The following CCDC141 variants were observed in gnomAD, a reference collection of about 807,000 sequenced individuals.
CCDC141 encodes coiled-coil domain-containing protein 141.
A neutral mutation model predicts 181.0 loss-of-function variants in CCDC141; 168 were observed. That is an observed-to-expected ratio of 0.93 (90% CI 0.82 to 1.05). The LOEUF is 1.05. CCDC141 is among the 50% of genes least tolerant of loss of function. The pLI, the probability that CCDC141 is intolerant of heterozygous loss-of-function variation, is 0.00. For missense variants in CCDC141, 1,902 were observed against 1,788.5 expected, an observed-to-expected ratio of 1.06 and a Z score of -1.14; for synonymous variants, 666 against 642.3, an observed-to-expected ratio of 1.04 and a Z score of -0.56.
At chr2:179,049,338 C>T (rs1162052470) in intron 1 of CCDC141, among the ~76,000 whole-genome samples, 1 of 152,130 alleles carries the variant, frequency 6.6e-6, no homozygotes, top group Admixed American at 6.6e-5. Flanking sequence ...TGGCAAAGGG[C>T]ACATGTCGGA....
chr2:178,825,379 T>C (rs1300169377), downstream of CCDC141: 2 of 152,136 alleles, frequency 1.3e-5, no homozygotes, highest in African/African-American at 2.4e-5. Context: ...CACTCCAGGA[T>C]GTGATGTCAG....
chr2:179,024,591 C>T (rs1045927346), intron 2 of CCDC141, among the ~76,000 whole-genome samples: 2 of 151,988 alleles, frequency 1.3e-5, no homozygotes, highest in Non-Finnish European at 2.9e-5. Context: ...CAGAGGAGGT[C>T]ATGGCCAGTA....
intron 3 of CCDC141, 137 bp from the exon 4 acceptor site, chr2:178,975,302 A>G (rs1206105300): frequency 3.8e-6 from 2 of 527,976 alleles, no homozygotes; most frequent in Admixed American, 3.0e-5. Context: ...ATATGTTTGT[A>G]TGTGTTTGTG....
At chr2:179,010,345 T>C (rs1207234047) in intron 2 of CCDC141, among the ~76,000 whole-genome samples, 1 of 152,172 alleles carries the variant, frequency 6.6e-6, no homozygotes, top group Admixed American at 6.5e-5. Flanking sequence ...AGGTGCATTG[T>C]CATCAAGTTA....
chr2:178,981,050 T>C lies in CCDC141; in HGVS notation c.226-2375A>G, dbSNP rs531593726. ...AAAGGAGTCAATCTACAAGAAGGCA[T>C]GACAATTCTAAATGGGTATGAGCCT... On this transcript the variant is annotated intron_variant, in intron 2 of 23. Transcript: ENST00000443758. Among the ~76,000 whole-genome samples, 21 of 152,290 alleles carry C rather than the reference T, an allele frequency of 1.4e-4. No individual in the cohort carries two copies. In the East Asian group the frequency reaches 4.0e-3, roughly 29 times the overall value.
intron 22 of CCDC141, among the ~76,000 whole-genome samples, chr2:178,842,784 G>A (rs1684779820): frequency 6.6e-6 from 1 of 152,332 alleles, no homozygotes; most frequent in South Asian, 2.1e-4. Context: ...TGTAGAGAAG[G>A]CCCTTAGCGG....
rs553928246 is a variant in CCDC141 at position 179,017,503 on chromosome 2, A to G, written c.225+29781T>C. On this transcript the variant is annotated intron_variant, in intron 2 of 23. Transcript: ENST00000443758. ...CCTTAAATCCTCATTCCCCTGTTTT[A>G]AAGAGTAATAAAGCTCTCTCTTCTT... Among the ~76,000 whole-genome samples the G allele has an allele frequency of 1.2e-3, 189 of 152,206 alleles. 1 individual carries two copies. Among genetic ancestry groups the G allele is most frequent in the African/African-American group, 4.1e-3 (170 of 41,556 alleles).
chr2:178,822,716 C>T, the CCDC141 span, among the ~76,000 whole-genome samples: 2 of 152,142 alleles, frequency 1.3e-5, no homozygotes, highest in Non-Finnish European at 2.9e-5. Flanking sequence ...CTCAGGGCAA[C>T]ATCAATGGAG....
At chr2:178,981,661 TAC>T (rs1559024734) in intron 2 of CCDC141, among the ~76,000 whole-genome samples, 4 of 136,244 alleles carry the variant, frequency 2.9e-5, no homozygotes, top group Non-Finnish European at 4.7e-5. Flanking sequence ...TATATATACA[TAC>T]ATATATACAT....
intron 2 of CCDC141, among the ~76,000 whole-genome samples, chr2:179,040,047 A>T (rs2043253369): frequency 6.6e-6 from 1 of 152,118 alleles, no homozygotes; most frequent in Admixed American, 6.5e-5. Flanking sequence ...GAAAGTGGTG[A>T]GTGGTTGGGG....
At chr2:178,887,131 T>C (rs1442277539) in intron 9 of CCDC141, among the ~76,000 whole-genome samples, 1 of 152,182 alleles carries the variant, frequency 6.6e-6, no homozygotes, top group Non-Finnish European at 1.5e-5. Flanking sequence ...CTATTAGATA[T>C]AAGCAATCAT....
chr2:179,015,089 T>TATATATATA lies in CCDC141; in HGVS notation c.225+32186_225+32194dup, dbSNP rs2042405569. On this transcript the variant is annotated intron_variant, in intron 2 of 23. Transcript: ENST00000443758. The stretch of plus-strand genomic sequence containing the variant: ...AGAGATATATATATATATATATATA[T>TATATATATA]ATATATATATATATAATATATATAT... Among the ~76,000 whole-genome samples the TATATATATA allele has an allele frequency of 4.5e-4, 21 of 47,124 alleles. 1 individual carries two copies. Among genetic ancestry groups the TATATATATA allele is most frequent in the African/African-American group, 1.2e-3 (19 of 15,584 alleles). 30.9% of individuals were successfully genotyped at this position (47,124 alleles called of 152,430 possible).
intron 2 of CCDC141, among the ~76,000 whole-genome samples, chr2:179,039,063 G>C (rs563168111): frequency 3.9e-5 from 6 of 152,092 alleles, no homozygotes; most frequent in Non-Finnish European, 7.4e-5. Flanking sequence ...TGCCTTTTCT[G>C]GAATCCTTCT....
rs937996564 is a variant in CCDC141 at position 178,872,114 on chromosome 2, C to T, written c.2079+19G>A. The stretch of plus-strand genomic sequence containing the variant: ...TCGGAATTTCATTCCTTTTCACATC[C>T]CATTGTTCCTTGCCTCACCTTTTTA... On this transcript the variant is annotated intron_variant, in intron 13 of 23. Transcript: ENST00000443758. 1.9e-6 allele frequency: 3 copies of T among 1,609,976 alleles called. No homozygotes were observed. The highest frequency in any genetic ancestry group is 1.7e-6 in the Non-Finnish European group (2 of 1,178,058).
At chr2:178,946,982 T>C (rs1689758405) in intron 5 of CCDC141, among the ~76,000 whole-genome samples, 1 of 152,130 alleles carries the variant, frequency 6.6e-6, no homozygotes, top group African/African-American at 2.4e-5. Context: ...AACTCAGAAG[T>C]AAGTAGATCA....
intron 4 of CCDC141, among the ~76,000 whole-genome samples, chr2:178,974,775 G>A (rs1691046675): frequency 6.6e-6 from 1 of 152,096 alleles, no homozygotes; most frequent in Non-Finnish European, 1.5e-5. Context: ...AAGGGTAAAG[G>A]GATGAACAAG....
chr2:178,862,021 A>G (rs1436637621), intron 17 of CCDC141, among the ~76,000 whole-genome samples: 1 of 152,198 alleles, frequency 6.6e-6, no homozygotes. Flanking sequence ...AGCACTATAC[A>G]ATGTCAGACG....
chr2:178,841,503 C>T (rs6717039), intron 22 of CCDC141, among the ~76,000 whole-genome samples: 48,116 of 151,896 alleles, frequency 0.32, 8,101 homozygotes, highest in African/African-American at 0.42. Context: ...AATGCAAAAT[C>T]GAATGCATTA....
chr2:178,837,599 T>G lies in CCDC141; in HGVS notation c.3620A>C (p.Glu1207Ala). Reference sequence around the variant, plus strand: ...GGAGATGTCATCAGGTGAGACACACTCATATTCTTCCCCTGAGAGCATGTC... The same window carrying G: ...GGAGATGTCATCAGGTGAGACACACGCATATTCTTCCCCTGAGAGCATGTC... Reference protein sequence around the residue: ...PEDMLSGEEYECVSPDDISLP... With the variant: ...PEDMLSGEEYACVSPDDISLP... Residue 1207 changes from glutamate to alanine, a missense_variant, in exon 23 of 24, where the codon GAG (glutamate) becomes GCG (alanine). Transcript: ENST00000443758. 6.2e-7 allele frequency: 1 copy of G among 1,613,938 alleles called. No individual in the cohort carries two copies. The highest frequency in any genetic ancestry group is 8.5e-7 in the Non-Finnish European group (1 of 1,179,926).
Sources: gnomAD v4.1 joint callset for allele counts (sites outside exome capture counted in the v4.1 genomes callset) on GRCh38, gnomAD v4.1.1 for gene constraint, MANE v1.5 for transcripts, NCBI Gene and HGNC (gene_info 2026-07-23, HGNC 2026-07-21) for gene names.